DNAH6: variants seen among roughly 807,000 people sequenced by gnomAD.
DNAH6 encodes dynein axonemal heavy chain 6.
In DNAH6, 340 loss-of-function variants were observed where a neutral mutation model predicts 491.4. The observed-to-expected ratio is 0.69, with a 90% confidence interval of 0.63 to 0.76. The LOEUF (loss-of-function observed/expected upper bound fraction) is 0.76, where lower values mean the gene tolerates loss of function less well. Ranked by LOEUF, DNAH6 falls within the 30% of genes least tolerant of loss-of-function variation. The probability of loss-of-function intolerance (pLI) is 0.00; values close to 1 mark genes in which losing one functional copy is unlikely to be tolerated. For missense variants in DNAH6, 4,443 were observed against 4,972.2 expected, an observed-to-expected ratio of 0.89 and a Z score of 3.20; for synonymous variants, 1,603 against 1,686.1, an observed-to-expected ratio of 0.95 and a Z score of 1.21.
chr2:84,595,925 T>A lies in DNAH6; in HGVS notation c.2868+136T>A, dbSNP rs533611781. 4.9e-6 allele frequency: 5 copies of A among 1,027,646 alleles called. No individual in the cohort carries two copies. The African/African-American group carries it at 6.5e-5, about 13-fold the overall frequency. The allele number at this position is 1,027,646 out of a possible 1,614,324, so 63.7% of individuals were successfully genotyped here. A position where few individuals can be genotyped will look rare whatever the true frequency, so the allele number is the denominator to read the frequency against. ...ACAGAAAAAACAATAGTCAAATTCA[T>A]TTTTTTGCAGTGGCACAGACTGCAT... On this transcript the variant is annotated intron_variant, in intron 18 of 76. Coordinates refer to ENST00000389394, the MANE Select transcript of DNAH6 (RefSeq NM_001370.2).
At position 84,535,234 on chromosome 2, in the gene DNAH6, T is replaced by G. The variant is rs569017425; in HGVS notation, c.662+6068T>G. ...TTTTGACATTTATTTATCTTTTTGC[T>G]CATTTATAAGGAAAATTTTCTGTTA... On this transcript the variant is annotated intron_variant, in intron 4 of 76. Transcript: ENST00000389394. Among the ~76,000 whole-genome samples the G allele has an allele frequency of 3.3e-5, 5 of 152,104 alleles. No individual in the cohort carries two copies. In the South Asian group the frequency reaches 1.0e-3, roughly 31 times the overall value.
intron 21 of DNAH6, among the ~76,000 whole-genome samples, chr2:84,611,376 A>G (rs1686312881): frequency 6.6e-6 from 1 of 152,136 alleles, no homozygotes; most frequent in African/African-American, 2.4e-5. Flanking sequence ...TTCCTTGAGT[A>G]GGCATCGTGC....
chr2:84,497,772 C>T, the DNAH6 span, among the ~76,000 whole-genome samples: 1 of 152,214 alleles, frequency 6.6e-6, no homozygotes, highest in Non-Finnish European at 1.5e-5. Flanking sequence ...TATTGAATAA[C>T]CAAAGGCCTA....
intron 49 of DNAH6, among the ~76,000 whole-genome samples, chr2:84,702,730 G>A (rs1696048503): frequency 6.6e-6 from 1 of 151,962 alleles, no homozygotes; most frequent in Admixed American, 6.6e-5. Context: ...TTTTAGTAGA[G>A]ATGGGGTTTT....
upstream of DNAH6, among the ~76,000 whole-genome samples, chr2:84,515,208 ATC>A (rs1675511348): frequency 6.6e-6 from 1 of 152,012 alleles, no homozygotes; most frequent in Non-Finnish European, 1.5e-5. Flanking sequence ...TGTATTTTTC[ATC>A]TCTGGGGAAT....
At position 84,710,362 on chromosome 2, in the gene DNAH6, C is replaced by T. The variant is rs1352211258; in HGVS notation, c.9328C>T (p.Arg3110Ter). The change falls in exon 56 of 77, where the codon CGA (arginine) becomes TGA (stop). Residue 3110 changes from arginine (R) to a stop codon, truncating the protein, a stop_gained. Transcript: ENST00000389394. LOFTEE classifies it high-confidence loss of function. ...IIKLTDSNFL[R>*]ILENSIRLGL... The stretch of plus-strand genomic sequence containing the variant: ...TAAGCTTACAGATAGTAATTTCTTA[C>T]GAATACTCGAGAATTCAATCCGACT... 49 of 1,551,578 alleles carry T rather than the reference C, an allele frequency of 3.2e-5. No homozygotes were observed. The highest frequency in any genetic ancestry group is 4.2e-5 in the Non-Finnish European group (48 of 1,146,954).
chr2:84,557,757 A>T lies in DNAH6; in HGVS notation c.1625A>T (p.Asn542Ile). ...DFLDGILGAV[N>I]HCQNTVLSVP... The stretch of plus-strand genomic sequence containing the variant: ...CAGGATGGTATTTTGGGTGCAGTTA[A>T]TCACTGTCAAAACACTGTGTTATCA... The change falls in exon 11 of 77, where the codon AAT becomes ATT. Residue 542 changes from asparagine (N) to isoleucine (I), a missense_variant. By Grantham distance (149) the Asn-to-Ile change is moderately radical (BLOSUM62 -3). Transcript: ENST00000389394. The T allele has an allele frequency of 6.2e-7, 1 of 1,601,388 alleles. No individual in the cohort carries two copies.
intron 18 of DNAH6, among the ~76,000 whole-genome samples, chr2:84,597,804 C>T (rs1684755478): frequency 6.6e-6 from 1 of 152,100 alleles, no homozygotes; most frequent in Admixed American, 6.6e-5. Context: ...GTTGTATGTG[C>T]AACAGAATAG....
At chr2:84,719,492 T>TA (rs1697876256) in intron 59 of DNAH6, among the ~76,000 whole-genome samples, 2 of 143,964 alleles carry the variant, frequency 1.4e-5, no homozygotes, top group African/African-American at 5.3e-5. Context: ...CTTGAGTTTT[T>TA]GTTTTTTTTG....
the DNAH6 span, among the ~76,000 whole-genome samples, chr2:84,505,659 T>G: frequency 6.6e-6 from 1 of 152,218 alleles, no homozygotes; most frequent in African/African-American, 2.4e-5. Flanking sequence ...GCTGCACCAT[T>G]AACTTGTCAT....
intron 4 of DNAH6, among the ~76,000 whole-genome samples, chr2:84,537,445 T>G (rs1343985654): frequency 2.6e-5 from 4 of 151,994 alleles, no homozygotes; most frequent in Non-Finnish European, 4.4e-5. Context: ...TCAATGTGGA[T>G]CTCATCTTTT....
chr2:84,767,692 A>T (rs1675219973), intron 64 of DNAH6, among the ~76,000 whole-genome samples: 1 of 152,088 alleles, frequency 6.6e-6, no homozygotes, highest in African/African-American at 2.4e-5. Flanking sequence ...CAGTGACAAG[A>T]TCTATTAAAG....
At chr2:84,783,664 C>T (rs1676911492) in intron 65 of DNAH6, among the ~76,000 whole-genome samples, 1 of 152,134 alleles carries the variant, frequency 6.6e-6, no homozygotes, top group Admixed American at 6.6e-5. Flanking sequence ...TAATTAAGGG[C>T]CTAGTGTACC....
At position 84,548,452 on chromosome 2, in the gene DNAH6, T is replaced by G. The variant is rs748924683; in HGVS notation, c.1316+35T>G. ...TTCTCATTTTCAAGAAAAATTGTAG[T>G]ACCCATCTTAAGCTGCATTAAAAAT... On this transcript the variant is annotated intron_variant, in intron 8 of 76. Transcript: ENST00000389394. 4 of 1,611,626 alleles carry G rather than the reference T, an allele frequency of 2.5e-6. No individual in the cohort carries two copies. The Admixed American group carries it at 6.7e-5, about 27-fold the overall frequency.
At chr2:84,463,343 T>C in the DNAH6 span, among the ~76,000 whole-genome samples, 2 of 152,174 alleles carry the variant, frequency 1.3e-5, no homozygotes, top group Admixed American at 6.5e-5. Flanking sequence ...AGCTTTAAAT[T>C]AGGTATAAGT....
At position 84,709,200 on chromosome 2, in the gene DNAH6, T is replaced by A. The variant is rs117875992; in HGVS notation, c.9049-143T>A. ...ATTTTGGTCTACTTCCTGTGTCCCA[T>A]GCTCTGATGCAAGCACATCTGTGGA... On this transcript the variant is annotated intron_variant, in intron 54 of 76. Transcript: ENST00000389394. 3.4e-5 allele frequency: 27 copies of A among 794,938 alleles called. No homozygotes were observed. The East Asian group carries it at 6.4e-4, about 19-fold the overall frequency. The allele number at this position is 794,938 out of a possible 1,614,324, so 49.2% of individuals were successfully genotyped here. A position where few individuals can be genotyped will look rare whatever the true frequency, so the allele number is the denominator to read the frequency against.
At chr2:84,757,637 G>A (rs1674172146) in intron 63 of DNAH6, among the ~76,000 whole-genome samples, 1 of 152,186 alleles carries the variant, frequency 6.6e-6, no homozygotes, top group Non-Finnish European at 1.5e-5. Flanking sequence ...GAGTTACTAT[G>A]TTATCTTTTG....
chr2:84,509,231 G>C, the DNAH6 span, among the ~76,000 whole-genome samples: 2 of 152,222 alleles, frequency 1.3e-5, no homozygotes, highest in African/African-American at 4.8e-5. Flanking sequence ...CTAAGGACTT[G>C]CTTTATGAAT....
intron 52 of DNAH6, 134 bp from the exon 53 acceptor site, chr2:84,706,762 T>C: frequency 2.0e-6 from 2 of 992,412 alleles, no homozygotes; most frequent in Non-Finnish European, 2.8e-6. Context: ...TGTTTTAACT[T>C]TATGTATCAC....
Sources: allele counts gnomAD v4.1 joint callset (sites outside exome capture counted in the v4.1 genomes callset), GRCh38; gene constraint gnomAD v4.1.1; transcripts MANE v1.5; gene names NCBI Gene and HGNC (gene_info 2026-07-23, HGNC 2026-07-21).